CRY1: variants seen among roughly 807,000 people sequenced by gnomAD.
CRY1 encodes cryptochrome-1.
A neutral mutation model predicts 76.0 loss-of-function variants in CRY1; 45 were observed. That is an observed-to-expected ratio of 0.59 (90% CI 0.47 to 0.76). CRY1 has a LOEUF of 0.76. Ranked by LOEUF, CRY1 falls within the 30% of genes least tolerant of loss-of-function variation. The pLI, the probability that CRY1 is intolerant of heterozygous loss-of-function variation, is 0.00. For synonymous variants in CRY1, 248 were observed against 244.0 expected, an observed-to-expected ratio of 1.02 and a Z score of -0.15; for missense variants, 587 against 716.4, an observed-to-expected ratio of 0.82 and a Z score of 2.06.
chr12:107,049,794 A>C (rs1222553448), intron 1 of CRY1: 1 of 152,244 alleles, frequency 6.6e-6, no homozygotes, highest in Non-Finnish European at 1.5e-5. Context: ...TAGGACAACC[A>C]AATCAGCCAC....
intron 1 of CRY1, among the ~76,000 whole-genome samples, chr12:107,077,127 A>G (rs987889242): frequency 6.6e-6 from 1 of 151,812 alleles, no homozygotes; most frequent in African/African-American, 2.4e-5. Context: ...TCAGTCTCAT[A>G]TCTCACACCC....
intron 1 of CRY1, among the ~76,000 whole-genome samples, chr12:107,026,582 CAA>C (rs972039033): frequency 2.6e-5 from 4 of 152,030 alleles, no homozygotes; most frequent in African/African-American, 7.2e-5. Context: ...ATTTGGCAAA[CAA>C]ATCTCATTAT....
Position 106,997,524 on chromosome 12 carries a change from G to A in CRY1, c.1456C>T (p.Gln486Ter). 1 of 1,614,040 alleles carries A rather than the reference G, an allele frequency of 6.2e-7. No individual in the cohort carries two copies. Among genetic ancestry groups the A allele is most frequent in the Non-Finnish European group, 8.5e-7 (1 of 1,179,992 alleles). ...TATCGTGAAAGCTGCTGATAGATCT[G>A]TTTCATCCTTTCGATATTCAAACGG... ...ASRLNIERMK[Q>*]IYQQLSRYRG... Residue 486 changes from glutamine to a stop codon, truncating the protein, a stop_gained, in exon 9 of 13, where the codon CAG becomes TAG. Transcript: ENST00000008527. LOFTEE classifies it high-confidence loss of function.
intron 2 of CRY1, 23 bp from the exon 3 acceptor site, chr12:107,005,271 A>G: frequency 6.4e-7 from 1 of 1,574,340 alleles, no homozygotes; most frequent in South Asian, 1.2e-5. Context: ...AAAGGGGAAC[A>G]ATGTACACCA....
chr12:107,044,242 C>T (rs556380069), intron 1 of CRY1, among the ~76,000 whole-genome samples: 2 of 152,234 alleles, frequency 1.3e-5, no homozygotes, highest in East Asian at 1.9e-4. Flanking sequence ...TCAGACCTGA[C>T]AATAAGAGGA....
At chr12:107,066,205 C>T (rs1593534866) in intron 1 of CRY1, among the ~76,000 whole-genome samples, 1 of 152,208 alleles carries the variant, frequency 6.6e-6, no homozygotes, top group African/African-American at 2.4e-5. Flanking sequence ...ACCAACTTTA[C>T]AGTTCAGTAA....
intron 1 of CRY1, among the ~76,000 whole-genome samples, chr12:107,064,270 A>C (rs1953084873): frequency 6.6e-6 from 1 of 152,256 alleles, no homozygotes; most frequent in African/African-American, 2.4e-5. Flanking sequence ...CAGTAATAAG[A>C]AAATAATCAA....
chr12:107,079,290 G>A (rs1319126585), intron 1 of CRY1, among the ~76,000 whole-genome samples: 1 of 152,086 alleles, frequency 6.6e-6, no homozygotes, highest in Non-Finnish European at 1.5e-5. Context: ...AGACTTCTGG[G>A]CCAAAGGTGT....
intron 1 of CRY1, among the ~76,000 whole-genome samples, chr12:107,052,136 G>C (rs938088154): frequency 1.3e-5 from 2 of 151,872 alleles, no homozygotes; most frequent in Admixed American, 6.6e-5. Flanking sequence ...TAAAGAGAAA[G>C]ACAAGAAAAA....
At chr12:107,025,144 C>T (rs1048610038) in intron 1 of CRY1, among the ~76,000 whole-genome samples, 2 of 152,096 alleles carry the variant, frequency 1.3e-5, no homozygotes, top group Non-Finnish European at 2.9e-5. Context: ...TCATATCTCC[C>T]CGTTAGGGAG....
At chr12:107,090,165 C>T (rs1953453733) in intron 1 of CRY1, among the ~76,000 whole-genome samples, 1 of 152,022 alleles carries the variant, frequency 6.6e-6, no homozygotes, top group African/African-American at 2.4e-5. Flanking sequence ...TCTCGCCTCA[C>T]TGCAACCTCT....
At chr12:107,074,577 ATT>A (rs1403535334) in intron 1 of CRY1, among the ~76,000 whole-genome samples, 7 of 152,214 alleles carry the variant, frequency 4.6e-5, no homozygotes, top group Admixed American at 3.3e-4. Flanking sequence ...AAATAAAAAT[ATT>A]TGAGAATGAA....
chr12:107,011,097 A>G (rs1952438881), intron 2 of CRY1, among the ~76,000 whole-genome samples: 1 of 152,222 alleles, frequency 6.6e-6, no homozygotes, highest in Non-Finnish European at 1.5e-5. Context: ...ATGTAATCCC[A>G]GCACTTTGGG....
chr12:107,076,752 G>A (rs529798734), intron 1 of CRY1, among the ~76,000 whole-genome samples: 1 of 152,218 alleles, frequency 6.6e-6, no homozygotes, highest in South Asian at 2.1e-4. Context: ...TGGAGGTGGG[G>A]CCTACTGGGA....
chr12:107,087,056 A>G (rs1953410928), intron 1 of CRY1, among the ~76,000 whole-genome samples: 1 of 152,252 alleles, frequency 6.6e-6, no homozygotes, highest in African/African-American at 2.4e-5. Flanking sequence ...AAAAAAGAAA[A>G]GGAAAAGAAA....
At chr12:107,002,661 A>G (rs1952325166) in intron 3 of CRY1, among the ~76,000 whole-genome samples, 1 of 152,114 alleles carries the variant, frequency 6.6e-6, no homozygotes, top group Non-Finnish European at 1.5e-5. Context: ...GTATCCTTGG[A>G]CCTACATTCC....
chr12:106,997,570 C>T lies in CRY1; in HGVS notation c.1410G>A (p.Met470Ile), dbSNP rs1239216529. 6.2e-7 allele frequency: 1 copy of T among 1,614,108 alleles called. No individual in the cohort carries two copies. The highest frequency in any genetic ancestry group is 1.7e-5 in the Admixed American group (1 of 60,020). The change falls in exon 9 of 13, where the codon ATG becomes ATA. Residue 470 changes from methionine to isoleucine, a missense_variant. Met to Ile is a conservative substitution (Grantham distance 10, BLOSUM62 1). Coordinates refer to ENST00000008527, the MANE Select transcript of CRY1 (RefSeq NM_004075.5). ...CLIGVNYPKP[M>I]VNHAEASRLN... ...AACGGCTTGCCTCAGCATGGTTCAC[C>T]ATTGGTTTAGGATAATTAACTCCTA...
chr12:107,044,988 C>T (rs1377473048), intron 1 of CRY1, among the ~76,000 whole-genome samples: 1 of 152,120 alleles, frequency 6.6e-6, no homozygotes, highest in Non-Finnish European at 1.5e-5. Flanking sequence ...CTTCTCAAGT[C>T]TGGGGAGAAA....
At chr12:106,992,711 C>A (rs1200982486) in intron 12 of CRY1, 76 bp downstream of exon 12, 1 of 1,247,766 alleles carries the variant, frequency 8.0e-7, no homozygotes, top group African/African-American at 1.5e-5. Flanking sequence ...GAGATTTGCT[C>A]CATTTTTGAA....
Sources: allele counts gnomAD v4.1 joint callset (sites outside exome capture counted in the v4.1 genomes callset), GRCh38; gene constraint gnomAD v4.1.1; transcripts MANE v1.5; gene names NCBI Gene and HGNC (gene_info 2026-07-23, HGNC 2026-07-21).